The following PDSS2 variants were observed in gnomAD, a reference collection of about 807,000 sequenced individuals.
PDSS2 encodes the protein decaprenyl diphosphate synthase subunit 2.
In PDSS2, 31 loss-of-function variants were observed where a neutral mutation model predicts 44.5. The ratio of observed to expected loss-of-function variants is 0.70; its 90% CI spans 0.52 to 0.94. The LOEUF (loss-of-function observed/expected upper bound fraction) is 0.94. Ranked by LOEUF, PDSS2 falls within the 40% of genes least tolerant of loss-of-function variation. The pLI, the probability that PDSS2 is intolerant of heterozygous loss-of-function variation, is 0.00. For synonymous variants in PDSS2, 157 were observed against 180.3 expected, an observed-to-expected ratio of 0.87 and a Z score of 1.03; for missense variants, 452 against 482.2, an observed-to-expected ratio of 0.94 and a Z score of 0.59.
intron 1 of PDSS2, among the ~76,000 whole-genome samples, chr6:107,409,075 G>C (rs1047171664): frequency 6.6e-6 from 1 of 152,196 alleles, no homozygotes; most frequent in African/African-American, 2.4e-5. Flanking sequence ...TAGAGTATAT[G>C]TTAAAATAAC....
intron 2 of PDSS2, among the ~76,000 whole-genome samples, chr6:107,330,013 A>G (rs993888010): frequency 1.3e-5 from 2 of 152,078 alleles, no homozygotes; most frequent in African/African-American, 4.8e-5. Flanking sequence ...AAAAAAAAAA[A>G]AAAAGGAAAA....
At chr6:107,360,587 T>C (rs4144935) in intron 1 of PDSS2, among the ~76,000 whole-genome samples, 1 of 890 alleles carries the variant, frequency 1.1e-3, no homozygotes, top group Non-Finnish European at 0.011. Flanking sequence ...ACAAAAAACA[T>C]CTGGATAACT....
intron 1 of PDSS2, among the ~76,000 whole-genome samples, chr6:107,418,024 T>C (rs115547771): frequency 0.025 from 3,747 of 152,144 alleles, 158 homozygotes; most frequent in African/African-American, 0.087. Context: ...AAAATATGCA[T>C]ATTAAAAAAG....
rs1562468750 is a variant in PDSS2, at chr6:107,334,325, C to T, written c.304G>A (p.Val102Ile). 1 of 1,613,620 alleles carries T rather than the reference C, an allele frequency of 6.2e-7. No homozygotes were observed. The highest frequency in any genetic ancestry group is 8.5e-7 in the Non-Finnish European group (1 of 1,179,772). Residue 102 changes from valine to isoleucine, a missense_variant, in exon 2 of 8, where the codon GTA (valine) becomes ATA (isoleucine). Val to Ile is a conservative substitution (Grantham distance 29). Transcript: ENST00000369037. ...HPLLTTARGL[V>I]HDSWNSLQLR... ...TGGAGGCTATTCCAGCTGTCATGTA[C>T]AAGCCCCCTGCCAACAAGCAAAGAA...
At chr6:107,437,662 T>G (rs1781396318) in intron 1 of PDSS2, among the ~76,000 whole-genome samples, 1 of 151,964 alleles carries the variant, frequency 6.6e-6, no homozygotes, top group Admixed American at 6.6e-5. Flanking sequence ...TGTGGGAGCC[T>G]GTGTATTATG....
intron 2 of PDSS2, among the ~76,000 whole-genome samples, chr6:107,299,291 T>A (rs367767492): frequency 6.6e-6 from 1 of 151,950 alleles, no homozygotes; most frequent in East Asian, 1.9e-4. Flanking sequence ...ATGAGCATTA[T>A]CTCATTCAAA....
chr6:107,307,123 A>C (rs905689903), intron 2 of PDSS2, among the ~76,000 whole-genome samples: 2 of 152,236 alleles, frequency 1.3e-5, no homozygotes, highest in Admixed American at 6.5e-5. Flanking sequence ...TTCTGTGAAC[A>C]TGCATTTTTA....
chr6:107,339,798 G>A (rs1254125047), intron 1 of PDSS2, among the ~76,000 whole-genome samples: 2 of 152,056 alleles, frequency 1.3e-5, no homozygotes, highest in African/African-American at 4.8e-5. Context: ...AAGTGAAACT[G>A]GTGGCAGACA....
At chr6:107,276,520 G>A (rs1288025335) in intron 2 of PDSS2, among the ~76,000 whole-genome samples, 2 of 152,202 alleles carry the variant, frequency 1.3e-5, no homozygotes, top group East Asian at 1.9e-4. Context: ...CAGAAATCAT[G>A]AGATCAGGGA....
intron 1 of PDSS2, among the ~76,000 whole-genome samples, chr6:107,340,438 A>C (rs1582963038): frequency 6.6e-6 from 1 of 152,252 alleles, no homozygotes; most frequent in South Asian, 2.1e-4. Flanking sequence ...GCTACTAACA[A>C]ATTTACATTC....
At chr6:107,199,774 T>C (rs1334795464) in intron 6 of PDSS2, among the ~76,000 whole-genome samples, 3 of 152,230 alleles carry the variant, frequency 2.0e-5, no homozygotes, top group Non-Finnish European at 4.4e-5. Context: ...ATTCAGGGAA[T>C]GTACAGGAAA....
At chr6:107,244,028 C>T (rs138832884) in intron 4 of PDSS2, among the ~76,000 whole-genome samples, 5 of 152,004 alleles carry the variant, frequency 3.3e-5, no homozygotes, top group Non-Finnish European at 5.9e-5. Flanking sequence ...CTTGGGAGGC[C>T]GAGGCAGGAT....
At chr6:107,297,232 T>C (rs1462595575) in intron 2 of PDSS2, among the ~76,000 whole-genome samples, 1 of 152,248 alleles carries the variant, frequency 6.6e-6, no homozygotes, top group Admixed American at 6.5e-5. Context: ...TCAGATTTAA[T>C]GTTTATGCCT....
chr6:107,454,614 G>T (rs933238821), intron 1 of PDSS2, among the ~76,000 whole-genome samples: 1 of 151,608 alleles, frequency 6.6e-6, no homozygotes, highest in African/African-American at 2.4e-5. Context: ...AAAGAGATCA[G>T]TGAATAGCAA....
At chr6:107,208,058 C>T (rs1246923554) in intron 6 of PDSS2, among the ~76,000 whole-genome samples, 1 of 129,000 alleles carries the variant, frequency 7.8e-6, no homozygotes, top group African/African-American at 3.0e-5. Context: ...GCAATCTTGG[C>T]TCAATGCAAC....
At chr6:107,338,252 A>G (rs989961018) in intron 1 of PDSS2, among the ~76,000 whole-genome samples, 3 of 152,200 alleles carry the variant, frequency 2.0e-5, no homozygotes, top group Admixed American at 1.3e-4. Flanking sequence ...CACAGGTCAT[A>G]TTTCATCTGG....
chr6:107,438,317 T>C (rs1023689255), intron 1 of PDSS2, among the ~76,000 whole-genome samples: 5 of 152,170 alleles, frequency 3.3e-5, no homozygotes. Context: ...CAAGTGATTC[T>C]CCTGCTTCAG....
At chr6:107,341,992 A>G (rs971699227) in intron 1 of PDSS2, among the ~76,000 whole-genome samples, 2 of 152,116 alleles carry the variant, frequency 1.3e-5, no homozygotes, top group East Asian at 3.9e-4. Flanking sequence ...ACTACTCACA[A>G]TAGTCAATTA....
chr6:107,386,392 AAC>A lies in PDSS2; in HGVS notation c.297-52062_297-52061del, dbSNP rs1554274699. Among the ~76,000 whole-genome samples the A allele has an allele frequency of 2.6e-5, 4 of 152,036 alleles. No individual in the cohort carries two copies. In the East Asian group the frequency reaches 7.7e-4, roughly 29 times the overall value. The stretch of plus-strand genomic sequence containing the variant: ...TATGTCATTTTCTAAAAAAAAAAAA[AAC>A]AAAAATTGACAATTGGATCCTATAT... On this transcript the variant is annotated intron_variant, in intron 1 of 7. Transcript: ENST00000369037.
Sources: allele counts gnomAD v4.1 joint callset (sites outside exome capture counted in the v4.1 genomes callset), GRCh38; gene constraint gnomAD v4.1.1; transcripts MANE v1.5; gene names NCBI Gene and HGNC (gene_info 2026-07-23, HGNC 2026-07-21).